ZFYVE28: variants seen among roughly 807,000 people sequenced by gnomAD.
The protein encoded by ZFYVE28 is lateral signaling target protein 2 homolog.
ZFYVE28 carries 40 observed loss-of-function variants against 82.1 expected under a neutral mutation model. That is an observed-to-expected ratio of 0.49 (90% CI 0.38 to 0.63). ZFYVE28 has a LOEUF of 0.63. Among genes scored for constraint, ZFYVE28 ranks in the 30% least tolerant of loss-of-function variants. The pLI is 0.00. For synonymous variants in ZFYVE28, 612 were observed against 546.1 expected, an observed-to-expected ratio of 1.12 and a Z score of -1.68; for missense variants, 1,321 against 1,242.1, an observed-to-expected ratio of 1.06 and a Z score of -0.96.
chr4:2,277,873 C>T (rs1317432341), intron 8 of ZFYVE28, among the ~76,000 whole-genome samples: 1 of 151,890 alleles, frequency 6.6e-6, no homozygotes, highest in Admixed American at 6.6e-5. Context: ...TCGAGGGACC[C>T]AGAATAGCCA....
At chr4:2,411,867 G>A (rs1732553785) in intron 1 of ZFYVE28, among the ~76,000 whole-genome samples, 1 of 152,186 alleles carries the variant, frequency 6.6e-6, no homozygotes, top group Non-Finnish European at 1.5e-5. Context: ...CTAGGTCCTG[G>A]GCATCCAGAC....
Position 2,394,459 on chromosome 4 carries a change from C to T in ZFYVE28, c.39+23826G>A, listed in dbSNP as rs577478916. 1.6e-4 allele frequency among the ~76,000 whole-genome samples: 25 copies of T among 152,336 alleles called. No homozygotes were observed. In the East Asian group the frequency reaches 3.7e-3, roughly 22 times the overall value. ...TTGCCAGCTGACTGGCAAAGGGGCT[C>T]TCTCACCATGGACTTGAGTTACAGT... On this transcript the variant is annotated intron_variant, in intron 1 of 12. Coordinates refer to ENST00000290974, the MANE Select transcript of ZFYVE28 (RefSeq NM_020972.3). The surrounding 1 kb of genome is among the most constrained non-coding windows in gnomAD (Gnocchi z 4.0).
chr4:2,358,040 C>A (rs115612262), intron 1 of ZFYVE28, among the ~76,000 whole-genome samples: 2,028 of 152,242 alleles, frequency 0.013, 20 homozygotes, highest in Middle Eastern at 0.034. Flanking sequence ...AAGCCCCGGA[C>A]CAAAGAGGGG....
rs768513004 is a variant in ZFYVE28 at position 2,335,685 on chromosome 4, T to C, written c.701+20A>G. ...GTCCCGCAGGTTTCTGCAGAGGTCC[T>C]GGGCACAGGAGGCACTCACCACACG... On this transcript the variant is annotated intron_variant, in intron 6 of 12. Coordinates refer to ENST00000290974, the MANE Select transcript of ZFYVE28 (RefSeq NM_020972.3). This position sits in a 1 kb window ranked among gnomAD's most constrained non-coding sequence, Gnocchi z 5.8. 4.5e-6 allele frequency: 7 copies of C among 1,562,004 alleles called. No homozygotes were observed. Among genetic ancestry groups the C allele is most frequent in the Non-Finnish European group, 6.1e-6 (7 of 1,152,876 alleles).
At chr4:2,334,947 G>A (rs912916714) in intron 6 of ZFYVE28, among the ~76,000 whole-genome samples, 1 of 148,564 alleles carries the variant, frequency 6.7e-6, no homozygotes, top group African/African-American at 2.5e-5. Context: ...CAGGGGCATG[G>A]GGAATCCCCG....
At chr4:2,365,144 C>A (rs1347638182) in intron 1 of ZFYVE28, among the ~76,000 whole-genome samples, 1 of 77,460 alleles carries the variant, frequency 1.3e-5, no homozygotes, top group Non-Finnish European at 2.5e-5. Context: ...TCCCTGAATG[C>A]GGCGGGGGGA....
chr4:2,350,977 T>A (rs192007928), intron 2 of ZFYVE28, among the ~76,000 whole-genome samples: 2 of 152,338 alleles, frequency 1.3e-5, no homozygotes, highest in Non-Finnish European at 2.9e-5. Context: ...GCCAGAACCA[T>A]AAACGAAGTG....
At chr4:2,276,748 TGA>T (rs1357975353) in intron 8 of ZFYVE28, among the ~76,000 whole-genome samples, 4 of 151,848 alleles carry the variant, frequency 2.6e-5, no homozygotes, top group African/African-American at 9.7e-5. Context: ...CACGAGGTCC[TGA>T]GAGCCGTCAC....
chr4:2,290,112 G>T (rs1435400838), intron 8 of ZFYVE28, among the ~76,000 whole-genome samples: 1 of 152,132 alleles, frequency 6.6e-6, no homozygotes, highest in Non-Finnish European at 1.5e-5. Context: ...GCCACCCCCC[G>T]GTCACCAGGC....
intron 8 of ZFYVE28, among the ~76,000 whole-genome samples, chr4:2,294,581 T>TA (rs761134068): frequency 2.0e-5 from 3 of 152,154 alleles, no homozygotes; most frequent in Non-Finnish European, 2.9e-5. Flanking sequence ...ATTCATAAAA[T>TA]AAAAAATTGA....
chr4:2,372,472 C>CCT lies in ZFYVE28; in HGVS notation c.40-18400_40-18399insAG, dbSNP rs3051341. ...AGGTTCACCCAACACCTGACTCACC[C>CCT]GATTCGGGTCTCTGCCTGGACGTCA... is the stretch of plus-strand genomic sequence containing the variant. On this transcript the variant is annotated intron_variant, in intron 1 of 12. Transcript: ENST00000290974. This position sits in a 1 kb window ranked among gnomAD's most constrained non-coding sequence, Gnocchi z 5.2. Among the ~76,000 whole-genome samples the CCT allele has an allele frequency of 0.52, 79,608 of 151,704 alleles. 21,030 individuals carry two copies. Among genetic ancestry groups the CCT allele is most frequent in the East Asian group, 0.65 (3,328 of 5,128 alleles).
At chr4:2,276,096 C>G (rs1346679003) in intron 8 of ZFYVE28, among the ~76,000 whole-genome samples, 1 of 152,282 alleles carries the variant, frequency 6.6e-6, no homozygotes, top group African/African-American at 2.4e-5. Flanking sequence ...CCTGCAGAAG[C>G]ACAGAGGCGT....
chr4:2,332,134 G>A lies in ZFYVE28; in HGVS notation c.701+3571C>T, dbSNP rs915417100. 2.0e-5 allele frequency among the ~76,000 whole-genome samples: 3 copies of A among 152,094 alleles called. No individual in the cohort carries two copies. Among genetic ancestry groups the A allele is most frequent in the Admixed American group, 2.0e-4 (3 of 15,272 alleles). ...GGCTCTCGGGCAGCAGCACAGTCAC[G>A]GGCAGGAGCCACAGAGGAGCTCCAC... On this transcript the variant is annotated intron_variant, in intron 6 of 12. Coordinates refer to ENST00000290974, the MANE Select transcript of ZFYVE28 (RefSeq NM_020972.3). The surrounding 1 kb of genome is among the most constrained non-coding windows in gnomAD (Gnocchi z 4.7).
intron 7 of ZFYVE28, among the ~76,000 whole-genome samples, chr4:2,319,866 T>G: frequency 6.6e-6 from 1 of 150,604 alleles, no homozygotes; most frequent in African/African-American, 2.5e-5. Context: ...GTGGGGACAA[T>G]GGGAATGGTG....
chr4:2,383,246 G>A (rs1728909244), intron 1 of ZFYVE28, among the ~76,000 whole-genome samples: 1 of 152,110 alleles, frequency 6.6e-6, no homozygotes, highest in Non-Finnish European at 1.5e-5. Context: ...TGTTGTGGGA[G>A]GGACCTGGTG....
intron 1 of ZFYVE28, among the ~76,000 whole-genome samples, chr4:2,389,125 G>A (rs749531885): frequency 1.1e-4 from 17 of 152,098 alleles, no homozygotes; most frequent in Non-Finnish European, 1.9e-4. Flanking sequence ...CTCAGAACAT[G>A]GCTCCTGCCC....
chr4:2,277,416 G>A (rs1315311409), intron 8 of ZFYVE28, among the ~76,000 whole-genome samples: 1 of 152,154 alleles, frequency 6.6e-6, no homozygotes, highest in Non-Finnish European at 1.5e-5. Context: ...GGAGGCGGAG[G>A]TTGCACTGAG....
At chr4:2,356,741 G>A (rs1004712156) in intron 1 of ZFYVE28, among the ~76,000 whole-genome samples, 1 of 152,238 alleles carries the variant, frequency 6.6e-6, no homozygotes, top group African/African-American at 2.4e-5. Context: ...GAGAGGAGGG[G>A]AGGCGGGGAA....
rs572459236 is a variant in ZFYVE28 at position 2,409,770 on chromosome 4, C to T, written c.39+8515G>A. On this transcript the variant is annotated intron_variant, in intron 1 of 12. Coordinates refer to ENST00000290974, the MANE Select transcript of ZFYVE28 (RefSeq NM_020972.3). The surrounding 1 kb of genome is among the most constrained non-coding windows in gnomAD (Gnocchi z 4.4). The stretch of plus-strand genomic sequence containing the variant: ...GAAATTTGTCAGAACTACCCAACCA[C>T]GATCAATCCCAGACACAGAACTCCT... 1.6e-3 allele frequency among the ~76,000 whole-genome samples: 241 copies of T among 152,342 alleles called. No homozygotes were observed. The highest frequency in any genetic ancestry group is 5.5e-3 in the African/African-American group (228 of 41,574).
Sources: allele counts gnomAD v4.1 joint callset (sites outside exome capture counted in the v4.1 genomes callset), GRCh38; gene constraint gnomAD v4.1.1; non-coding constraint Gnocchi (gnomAD v3.1); transcripts MANE v1.5; gene names NCBI Gene and HGNC (gene_info 2026-07-23, HGNC 2026-07-21).